Variants in PDE4B observed in about 807,000 individuals in gnomAD.
PDE4B encodes 3',5'-cyclic-AMP phosphodiesterase 4B.
A neutral mutation model predicts 82.2 loss-of-function variants in PDE4B; 20 were observed. The ratio of observed to expected loss-of-function variants is 0.24; its 90% confidence interval spans 0.17 to 0.35. The LOEUF is 0.35. PDE4B is among the 10% of genes least tolerant of loss of function. The pLI is 1.00. For missense variants in PDE4B, 655 were observed against 907.2 expected, an observed-to-expected ratio of 0.72 and a Z score of 3.57; for synonymous variants, 320 against 318.9, an observed-to-expected ratio of 1.00 and a Z score of -0.04.
chr1:65,957,358 TTCCAATGCCATGTCTGTTACACA>T, intron 3 of PDE4B, among the ~76,000 whole-genome samples: 1 of 152,256 alleles, frequency 6.6e-6, no homozygotes, highest in East Asian at 1.9e-4. Flanking sequence ...TCTCAGTAAT[TTCCAATGCCATGTCTGTTACACA>T]GCAAGCTATC....
intron 7 of PDE4B, among the ~76,000 whole-genome samples, chr1:66,313,694 G>A (rs933784945): frequency 2.0e-5 from 3 of 152,186 alleles, no homozygotes; most frequent in African/African-American, 7.2e-5. Flanking sequence ...GTGGCAACTG[G>A]GAACTGAGGA....
intron 1 of PDE4B, among the ~76,000 whole-genome samples, chr1:65,911,299 C>T (rs1647088029): frequency 6.6e-6 from 1 of 152,094 alleles, no homozygotes; most frequent in African/African-American, 2.4e-5. Flanking sequence ...TCATATTGTT[C>T]TACATTTTCT....
intron 3 of PDE4B, among the ~76,000 whole-genome samples, chr1:66,104,225 G>A (rs1035572376): frequency 6.6e-6 from 1 of 151,888 alleles, no homozygotes; most frequent in Admixed American, 6.6e-5. Context: ...TACTGAGAAT[G>A]ATGATTTCCA....
intron 4 of PDE4B, among the ~76,000 whole-genome samples, chr1:66,256,153 G>T (rs1242455496): frequency 1.3e-5 from 2 of 152,324 alleles, no homozygotes; most frequent in Middle Eastern, 3.4e-3. Flanking sequence ...TCCAGCCTGG[G>T]TGACAAAGCT....
At chr1:66,032,471 G>A (rs1030270086) in intron 3 of PDE4B, among the ~76,000 whole-genome samples, 1 of 152,112 alleles carries the variant, frequency 6.6e-6, no homozygotes, top group Non-Finnish European at 1.5e-5. Flanking sequence ...TATCCCCTAA[G>A]ATGCTGCACT....
At chr1:66,264,688 A>G (rs1418361640) in intron 6 of PDE4B, among the ~76,000 whole-genome samples, 3 of 152,206 alleles carry the variant, frequency 2.0e-5, no homozygotes, top group Non-Finnish European at 2.9e-5. Context: ...ATGGGTACCT[A>G]CAAGCTAGAT....
chr1:65,844,259 A>G (rs1001556412), intron 1 of PDE4B, among the ~76,000 whole-genome samples: 1 of 152,212 alleles, frequency 6.6e-6, no homozygotes, highest in Non-Finnish European at 1.5e-5. Context: ...GCTGTACTGG[A>G]TAACAAAATT....
chr1:65,955,507 G>A (rs1649211688), intron 3 of PDE4B, among the ~76,000 whole-genome samples: 2 of 152,134 alleles, frequency 1.3e-5, no homozygotes, highest in Admixed American at 1.3e-4. Context: ...TGGCACATGT[G>A]TGCACACTGA....
intron 8 of PDE4B, among the ~76,000 whole-genome samples, chr1:66,334,868 A>T (rs1157167933): frequency 3.4e-4 from 52 of 152,160 alleles, no homozygotes; most frequent in Admixed American, 3.4e-3. Flanking sequence ...GCACTTTGGG[A>T]GGTCGAGGCA....
At chr1:65,909,419 G>A (rs1647062893) in intron 1 of PDE4B, among the ~76,000 whole-genome samples, 1 of 152,074 alleles carries the variant, frequency 6.6e-6, no homozygotes, top group Non-Finnish European at 1.5e-5. Flanking sequence ...TCTAACCTGT[G>A]AAAGGTGAAA....
At chr1:66,164,314 A>G (rs1165979904) in intron 3 of PDE4B, among the ~76,000 whole-genome samples, 1 of 152,054 alleles carries the variant, frequency 6.6e-6, no homozygotes, top group African/African-American at 2.4e-5. Context: ...AGGTGGGTGG[A>G]TCACAAGGTC....
intron 1 of PDE4B, among the ~76,000 whole-genome samples, chr1:65,852,667 A>G (rs1329577805): frequency 1.3e-5 from 2 of 152,064 alleles, no homozygotes; most frequent in African/African-American, 2.4e-5. Context: ...TCAGTTTAAT[A>G]TGTTTTCTAA....
At chr1:66,365,615 A>C (rs770742218) in intron 12 of PDE4B, 52 bp from the exon 13 acceptor site, 3 of 1,021,576 alleles carry the variant, frequency 2.9e-6, no homozygotes, top group Non-Finnish European at 4.6e-6. Flanking sequence ...AAACTGAATA[A>C]GCAGGATAGG....
Position 66,335,742 on chromosome 1 carries a change from C to G in PDE4B, c.747+3122C>G, listed in dbSNP as rs531463688. Among the ~76,000 whole-genome samples, 12 of 152,294 alleles carry G rather than the reference C, an allele frequency of 7.9e-5. No homozygotes were observed. The South Asian group carries it at 2.5e-3, about 32-fold the overall frequency. On this transcript the variant is annotated intron_variant, in intron 8 of 16. Coordinates refer to ENST00000341517, the MANE Select transcript of PDE4B (RefSeq NM_002600.4). The stretch of plus-strand genomic sequence containing the variant: ...TGGAATAAGTTCAGCAGAAGTTTTA[C>G]AAGGCAATGGTATTGTTATTTAAGA...
intron 3 of PDE4B, among the ~76,000 whole-genome samples, chr1:66,240,406 GT>G (rs1242544528): frequency 6.6e-6 from 1 of 152,192 alleles, no homozygotes; most frequent in Non-Finnish European, 1.5e-5. Context: ...TAAAGGACAA[GT>G]TTTACCACTA....
intron 3 of PDE4B, among the ~76,000 whole-genome samples, chr1:65,996,268 A>G (rs1307267956): frequency 2.0e-5 from 3 of 152,076 alleles, no homozygotes; most frequent in African/African-American, 7.2e-5. Context: ...CACTTAGTAT[A>G]CAATCTTACT....
At chr1:66,087,499 T>C (rs1468541610) in intron 3 of PDE4B, among the ~76,000 whole-genome samples, 2 of 152,108 alleles carry the variant, frequency 1.3e-5, no homozygotes, top group Non-Finnish European at 2.9e-5. Context: ...TTTAATTTAA[T>C]TAGATCCCAT....
intron 7 of PDE4B, among the ~76,000 whole-genome samples, chr1:66,320,875 C>T (rs531458613): frequency 6.6e-6 from 1 of 152,288 alleles, no homozygotes; most frequent in South Asian, 2.1e-4. Flanking sequence ...GGAGATGACA[C>T]TAGGCTGCAT....
chr1:66,245,234 G>A (rs1261336963), intron 3 of PDE4B, among the ~76,000 whole-genome samples: 1 of 152,106 alleles, frequency 6.6e-6, no homozygotes, highest in African/African-American at 2.4e-5. Context: ...GAGGGCCTGG[G>A]GCAGTGGATG....
Sources: gnomAD v4.1 joint callset for allele counts (sites outside exome capture counted in the v4.1 genomes callset) on GRCh38, gnomAD v4.1.1 for gene constraint, MANE v1.5 for transcripts, NCBI Gene and HGNC (gene_info 2026-07-23, HGNC 2026-07-21) for gene names.